GLP2R: variants seen among roughly 807,000 people sequenced by gnomAD.
GLP2R encodes the protein glucagon like peptide 2 receptor.
A neutral mutation model predicts 68.2 loss-of-function variants in GLP2R; 59 were observed. That is an observed-to-expected ratio of 0.87 (90% confidence interval 0.70 to 1.07). The LOEUF (loss-of-function observed/expected upper bound fraction) is 1.07, where lower values mean the gene tolerates loss of function less well. GLP2R is among the 50% of genes least tolerant of loss of function. The probability of loss-of-function intolerance (pLI) is 0.00; values close to 1 mark genes in which losing one functional copy is unlikely to be tolerated. For synonymous variants in GLP2R, 270 were observed against 265.4 expected, an observed-to-expected ratio of 1.02 and a Z score of -0.17; for missense variants, 548 against 677.4, an observed-to-expected ratio of 0.81 and a Z score of 2.12.
chr17:9,841,141 C>G (rs568941732), intron 3 of GLP2R, among the ~76,000 whole-genome samples: 1 of 151,770 alleles, frequency 6.6e-6, no homozygotes, highest in African/African-American at 2.4e-5. Flanking sequence ...CTCAGCCTCC[C>G]TAGTAGCTGG....
At chr17:9,877,158 A>T (rs1194204936) in intron 10 of GLP2R, among the ~76,000 whole-genome samples, 1 of 152,254 alleles carries the variant, frequency 6.6e-6, no homozygotes, top group African/African-American at 2.4e-5. Flanking sequence ...ATATTCACTC[A>T]TGTGCCATAA....
At chr17:9,884,167 T>C (rs1341394868) in intron 11 of GLP2R, among the ~76,000 whole-genome samples, 1 of 152,120 alleles carries the variant, frequency 6.6e-6, no homozygotes, top group Non-Finnish European at 1.5e-5. Flanking sequence ...TAATATGAAA[T>C]AGATTGTGTT....
At chr17:9,876,222 G>C (rs957841973) in intron 10 of GLP2R, among the ~76,000 whole-genome samples, 19 of 152,152 alleles carry the variant, frequency 1.2e-4, no homozygotes, top group Non-Finnish European at 1.8e-4. Context: ...TTTCTGAAAG[G>C]ACTTTCTGAT....
intron 5 of GLP2R, 113 bp from the exon 6 acceptor site, chr17:9,857,310 C>T: frequency 1.1e-6 from 1 of 893,164 alleles, no homozygotes; most frequent in African/African-American, 1.7e-5. Flanking sequence ...GCTCTGCAGC[C>T]TATACTATGA....
chr17:9,849,864 C>T (rs913472828), intron 4 of GLP2R, among the ~76,000 whole-genome samples: 13 of 152,142 alleles, frequency 8.5e-5, no homozygotes, highest in African/African-American at 3.1e-4. Flanking sequence ...CCACCCACCT[C>T]GGCCTCCCAA....
chr17:9,888,865 G>A (rs1386733206), intron 12 of GLP2R, among the ~76,000 whole-genome samples: 1 of 152,184 alleles, frequency 6.6e-6, no homozygotes, highest in African/African-American at 2.4e-5. Flanking sequence ...GGCCAGAACA[G>A]GTGTTTTCTC....
At chr17:9,873,370 A>T (rs2067113142) in intron 10 of GLP2R, among the ~76,000 whole-genome samples, 1 of 152,014 alleles carries the variant, frequency 6.6e-6, no homozygotes, top group South Asian at 2.1e-4. Context: ...ATAGTTTTTC[A>T]TCATAGCTCC....
intron 10 of GLP2R, among the ~76,000 whole-genome samples, chr17:9,872,843 A>G (rs1474758626): frequency 6.6e-6 from 1 of 152,176 alleles, no homozygotes; most frequent in East Asian, 1.9e-4. Flanking sequence ...TATGGTTATA[A>G]ATATGGGTGG....
chr17:9,854,522 T>G lies in GLP2R; in HGVS notation c.532T>G (p.Leu178Val), dbSNP rs1440786930. ...GGATCGTTATGCCTTGCTGTCAACC[T>G]TGCAGCTGATGTACACCGTGGGATA... ...NVDRYALLST[L>V]QLMYTVGYSF... Residue 178 changes from leucine (L) to valine (V), a missense_variant, in exon 5 of 13, where the codon TTG becomes GTG. Physicochemically the swap from Leu to Val is conservative, Grantham distance 32 (BLOSUM62 1). Transcript: ENST00000262441. 1 of 1,611,322 alleles carries G rather than the reference T, an allele frequency of 6.2e-7. No individual in the cohort carries two copies. The highest frequency in any genetic ancestry group is 1.3e-5 in the African/African-American group (1 of 74,888).
chr17:9,837,124 G>C (rs560365936), intron 3 of GLP2R, among the ~76,000 whole-genome samples: 4 of 152,208 alleles, frequency 2.6e-5, no homozygotes, highest in African/African-American at 7.2e-5. Flanking sequence ...CAAAGTGCTG[G>C]GATTACAGGC....
chr17:9,842,227 C>T (rs1275068541), intron 3 of GLP2R, among the ~76,000 whole-genome samples: 3 of 152,162 alleles, frequency 2.0e-5, no homozygotes, highest in Non-Finnish European at 4.4e-5. Context: ...CCTTGGAGGG[C>T]TTATAACATC....
chr17:9,866,677 G>A (rs2067041168), intron 9 of GLP2R: 1 of 152,152 alleles, frequency 6.6e-6, no homozygotes, highest in African/African-American at 2.4e-5. Context: ...ACCTTCACTG[G>A]GCTTGGCTTG....
intron 4 of GLP2R, among the ~76,000 whole-genome samples, chr17:9,848,869 G>T (rs1033510819): frequency 2.2e-5 from 3 of 138,346 alleles, no homozygotes; most frequent in Admixed American, 7.3e-5. Context: ...AAAGGAGATT[G>T]TGTGTGTGTG....
intron 7 of GLP2R, among the ~76,000 whole-genome samples, chr17:9,860,736 GTCTTCAAGAAGAGTTT>G (rs1352456520): frequency 1.3e-5 from 2 of 152,070 alleles, no homozygotes; most frequent in Non-Finnish European, 2.9e-5. Flanking sequence ...ATAATACCAG[GTCTTCAAGAAGAGTTT>G]TCTGATTAAA....
rs190150410 is a variant in GLP2R at position 9,852,019 on chromosome 17, G to A, written c.505-2476G>A. 4.0e-3 allele frequency among the ~76,000 whole-genome samples: 607 copies of A among 149,906 alleles called. 21 individuals carry two copies. Among genetic ancestry groups the A allele is most frequent in the Admixed American group, 0.038 (572 of 15,072 alleles). Reference sequence around the variant, plus strand: ...CCAATAATTTTGTGATGCAACCAAAGCAGTCATGGAGAGAAATGTATAGCA... The same window carrying A: ...CCAATAATTTTGTGATGCAACCAAAACAGTCATGGAGAGAAATGTATAGCA... On this transcript the variant is annotated intron_variant, in intron 4 of 12. Transcript: ENST00000262441.
chr17:9,833,762 A>G (rs756272294), intron 1 of GLP2R, 45 bp from the exon 2 acceptor site: 1 of 1,206,084 alleles, frequency 8.3e-7, no homozygotes. Flanking sequence ...ACAAGGCCAC[A>G]TCTGTGCTTG....
intron 10 of GLP2R, among the ~76,000 whole-genome samples, chr17:9,873,438 G>A (rs1291466360): frequency 6.6e-6 from 1 of 151,936 alleles, no homozygotes; most frequent in Non-Finnish European, 1.5e-5. Context: ...CTACCACTGG[G>A]TATTCTGACT....
chr17:9,889,329 T>C (rs2067269705), intron 12 of GLP2R, 41 bp from the exon 13 acceptor site: 1 of 1,382,218 alleles, frequency 7.2e-7, no homozygotes, highest in East Asian at 2.3e-5. Flanking sequence ...CATGGCTAAA[T>C]GACTCCAAGA....
intron 4 of GLP2R, 34 bp from the exon 5 acceptor site, chr17:9,854,461 T>C (rs2066917707): frequency 1.8e-5 from 23 of 1,304,282 alleles, no homozygotes; most frequent in Non-Finnish European, 2.6e-5. Flanking sequence ...GCCCCATGGC[T>C]TAGTGGTCAT....
Sources: gnomAD v4.1 joint callset for allele counts (sites outside exome capture counted in the v4.1 genomes callset) on GRCh38, gnomAD v4.1.1 for gene constraint, MANE v1.5 for transcripts, NCBI Gene and HGNC (gene_info 2026-07-23, HGNC 2026-07-21) for gene names.